SLC12A9: variants seen among roughly 807,000 people sequenced by gnomAD.
SLC12A9 encodes CCC-interacting protein 1.
SLC12A9 carries 55 observed loss-of-function variants against 66.0 expected under a neutral mutation model. That is an observed-to-expected ratio of 0.83 (90% CI 0.67 to 1.04). SLC12A9 has a LOEUF of 1.04. Ranked by LOEUF, SLC12A9 falls within the 50% of genes least tolerant of loss-of-function variation. SLC12A9 has a pLI of 0.00. For missense variants in SLC12A9, 1,061 were observed against 1,241.9 expected (o/e 0.85, Z 2.19); for synonymous variants, 577 against 569.0 (o/e 1.01, Z -0.20).
rs190943845 is a variant in SLC12A9 at position 100,844,765 on chromosome 7, C to T, written n.229-15120C>T. On this transcript the variant is annotated intron_variant and non_coding_transcript_variant, in intron 1 of 1. Coordinates refer to the SLC12A9 transcript ENST00000461016. ...AGGAGCGTGTGACCTTAGGAATCAA[C>T]GGGGCTGGACTGGATCCTCGAGTAA... Among the ~76,000 whole-genome samples the T allele has an allele frequency of 6.6e-4, 100 of 152,220 alleles. No individual in the cohort carries two copies. The Middle Eastern group carries it at 0.01, about 16-fold the overall frequency.
intron 1 of SLC12A9, among the ~76,000 whole-genome samples, chr7:100,847,015 C>T (rs1366739137): frequency 1.3e-5 from 2 of 151,970 alleles, no homozygotes; most frequent in African/African-American, 4.8e-5. Context: ...CGATCAAGAC[C>T]CTCTCTTGCG....
intron 5 of SLC12A9, chr7:100,858,590 T>C: frequency 2.5e-6 from 1 of 407,420 alleles, no homozygotes; most frequent in African/African-American, 2.0e-5. Context: ...ACCCTGTCTC[T>C]AAAAAATAAA....
In SLC12A9 at chr7:100,857,024, G is replaced by C. The variant is rs1319432572; in HGVS notation, c.605G>C (p.Gly202Ala). The part of the protein sequence containing the change: ...ASFLTFLLVS[G>A]SLASVLISFV... The stretch of plus-strand genomic sequence containing the variant: ...TTCCTCACATTCCTGCTGGTCTCTG[G>C]CTCCCTGGCCTCTGTGCTCATCAGT... The change falls in exon 5 of 14, where the codon GGC (glycine) becomes GCC (alanine). Residue 202 changes from glycine (G) to alanine (A), a missense_variant. Coordinates refer to ENST00000354161, the MANE Select transcript of SLC12A9 (RefSeq NM_020246.4). The C allele has an allele frequency of 6.2e-7, 1 of 1,614,158 alleles. No homozygotes were observed. Among genetic ancestry groups the C allele is most frequent in the Admixed American group, 1.7e-5 (1 of 60,022 alleles).
chr7:100,835,836 G>A (rs1346670056), intron 1 of SLC12A9, among the ~76,000 whole-genome samples: 1 of 152,238 alleles, frequency 6.6e-6, no homozygotes, highest in Non-Finnish European at 1.5e-5. Context: ...GTGAGCATCA[G>A]TGAGCTGATA....
At chr7:100,847,995 A>G (rs558518644), upstream of SLC12A9, among the ~76,000 whole-genome samples, 1 of 148,160 alleles carries the variant, frequency 6.7e-6, no homozygotes, top group Non-Finnish European at 1.5e-5. Context: ...CGGAGGCAGG[A>G]GAATCGCTTG....
rs770101072 is a variant in SLC12A9, at chr7:100,861,814, G to A, written c.1614G>A (p.Val538=). 1.4e-5 allele frequency: 23 copies of A among 1,613,986 alleles called. No homozygotes were observed. The highest frequency in any genetic ancestry group is 1.9e-5 in the Non-Finnish European group (23 of 1,180,010). Residue 538 remains valine, a synonymous_variant, in exon 12 of 14, where the codon GTG becomes GTA. Transcript: ENST00000354161. This position sits in a 1 kb window ranked among gnomAD's most constrained non-coding sequence, Gnocchi z 5.3. ...GGCGGCCCCAGCTGCTGCTCCTGGT[G>A]GGGAACCCCCGGGGCGCCCTGCCTC... ...KFWRPQLLLL[V]GNPRGALPLL...
intron 1 of SLC12A9, among the ~76,000 whole-genome samples, chr7:100,832,186 G>A (rs1016936908): frequency 6.6e-6 from 1 of 151,966 alleles, no homozygotes; most frequent in Non-Finnish European, 1.5e-5. Context: ...GCAACAGAGC[G>A]AGACTCCGTC....
chr7:100,837,803 C>T (rs541545871), intron 1 of SLC12A9, among the ~76,000 whole-genome samples: 1 of 151,826 alleles, frequency 6.6e-6, no homozygotes, highest in South Asian at 2.1e-4. Flanking sequence ...GGATTATAAA[C>T]CTGAGCCAAT....
At chr7:100,862,398 A>G (rs918507348) in intron 12 of SLC12A9, among the ~76,000 whole-genome samples, 2 of 152,134 alleles carry the variant, frequency 1.3e-5, no homozygotes, top group Non-Finnish European at 2.9e-5. Flanking sequence ...AGCTGGGACT[A>G]CAGGTGTGTG....
intron 3 of SLC12A9, among the ~76,000 whole-genome samples, chr7:100,855,184 G>A (rs750010774): frequency 1.3e-5 from 2 of 152,254 alleles, no homozygotes; most frequent in African/African-American, 4.8e-5. Context: ...GTGCAGTGGC[G>A]CCATCATAGC....
At chr7:100,849,760 G>A (rs1814017574), upstream of SLC12A9, among the ~76,000 whole-genome samples, 1 of 151,646 alleles carries the variant, frequency 6.6e-6, no homozygotes, top group Non-Finnish European at 1.5e-5. Context: ...TTTAGTCAAG[G>A]AGAAAGTCTC....
intron 1 of SLC12A9, chr7:100,853,257 G>T (rs545075009): frequency 6.6e-6 from 1 of 152,284 alleles, no homozygotes; most frequent in Admixed American, 6.5e-5. Context: ...TCTCCTGCCC[G>T]TAACTTACTT....
chr7:100,839,363 G>A (rs1190817936), intron 1 of SLC12A9, among the ~76,000 whole-genome samples: 2 of 151,538 alleles, frequency 1.3e-5, no homozygotes, highest in Non-Finnish European at 2.9e-5. Context: ...CAGGGAGCTC[G>A]GCTCTTGAGA....
chr7:100,828,149 T>C (rs1392313198), intron 1 of SLC12A9, among the ~76,000 whole-genome samples: 1 of 152,194 alleles, frequency 6.6e-6, no homozygotes, highest in Non-Finnish European at 1.5e-5. Flanking sequence ...GTTGGGGACC[T>C]ACTGTGCGCG....
chr7:100,854,796 C>T (rs1342475658), intron 3 of SLC12A9, 42 bp downstream of exon 3: 1 of 1,608,444 alleles, frequency 6.2e-7, no homozygotes, highest in Non-Finnish European at 8.5e-7. Flanking sequence ...GCCTGTTCTG[C>T]CTGCTAGGGA....
chr7:100,851,650 A>G (rs1814082028), upstream of SLC12A9, among the ~76,000 whole-genome samples: 1 of 3,356 alleles, frequency 3.0e-4, no homozygotes. Context: ...AAAATTAGCC[A>G]GGCGTGGTGT....
At chr7:100,855,272 A>AG (rs1322349385) in intron 3 of SLC12A9, among the ~76,000 whole-genome samples, 8 of 130,892 alleles carry the variant, frequency 6.1e-5, no homozygotes, top group Admixed American at 1.6e-4. Flanking sequence ...ATAGGCATGT[A>AG]CCACCACCCC....
intron 1 of SLC12A9, among the ~76,000 whole-genome samples, chr7:100,828,587 C>T (rs1316080083): frequency 6.8e-6 from 1 of 146,740 alleles, no homozygotes; most frequent in East Asian, 2.0e-4. Flanking sequence ...GTGGGTGTGT[C>T]CGAGAGGGTG....
chr7:100,835,947 C>G (rs1215638362), intron 1 of SLC12A9, among the ~76,000 whole-genome samples: 1 of 152,150 alleles, frequency 6.6e-6, no homozygotes, highest in Non-Finnish European at 1.5e-5. Context: ...GAGCTAAGAA[C>G]GACTGTTCAG....
Sources: gnomAD v4.1 joint callset for allele counts (sites outside exome capture counted in the v4.1 genomes callset) on GRCh38, gnomAD v4.1.1 for gene constraint, Gnocchi (gnomAD v3.1) non-coding constraint, MANE v1.5 for transcripts, NCBI Gene and HGNC (gene_info 2026-07-23, HGNC 2026-07-21) for gene names.